The following SLC20A2 variants were observed in gnomAD, a reference collection of about 807,000 sequenced individuals.
SLC20A2 encodes solute carrier family 20 member 2.
A neutral mutation model predicts 61.0 loss-of-function variants in SLC20A2; 30 were observed. The ratio of observed to expected loss-of-function variants is 0.49; its 90% CI spans 0.37 to 0.67. SLC20A2 has a LOEUF of 0.67. SLC20A2 is among the 30% of genes least tolerant of loss of function. The probability of loss-of-function intolerance (pLI) is 0.00; values close to 1 mark genes in which losing one functional copy is unlikely to be tolerated. For synonymous variants in SLC20A2, 351 were observed against 353.3 expected (o/e 0.99, Z 0.07); for missense variants, 626 against 866.4 (o/e 0.72, Z 3.48).
chr8:42,522,910 G>T lies in SLC20A2; in HGVS notation c.-265+18911C>A, dbSNP rs1025841999. 2.0e-4 allele frequency among the ~76,000 whole-genome samples: 8 copies of T among 39,382 alleles called. 1 individual carries two copies. Among genetic ancestry groups the T allele is most frequent in the African/African-American group, 5.7e-4 (7 of 12,282 alleles). 25.8% of individuals were successfully genotyped at this position (39,382 alleles called of 152,430 possible). A position where few individuals can be genotyped will look rare whatever the true frequency, so the allele number is the denominator to read the frequency against. ...AAAAAATCTGTAGAGATGGCGGGGT[G>T]GGGGGGGTCTCTCTGTGTTGCCCAG... is the stretch of plus-strand genomic sequence containing the variant. On this transcript the variant is annotated intron_variant, in intron 1 of 10. Transcript: ENST00000342228.
intron 10 of SLC20A2, among the ~76,000 whole-genome samples, chr8:42,421,793 GAA>G (rs1052317969): frequency 1.3e-5 from 2 of 151,856 alleles, no homozygotes; most frequent in African/African-American, 4.8e-5. Context: ...GGTAACGAGT[GAA>G]ACTCCGTCTC....
intron 5 of SLC20A2, among the ~76,000 whole-genome samples, chr8:42,456,921 TTTTTG>T (rs202064526): frequency 0.025 from 3,816 of 151,892 alleles, 219 homozygotes; most frequent in Admixed American, 0.14. Flanking sequence ...AAAACAAATT[TTTTTG>T]TTTTGTTTTA....
intron 1 of SLC20A2, among the ~76,000 whole-genome samples, chr8:42,477,378 T>A (rs973160152): frequency 6.6e-6 from 1 of 150,976 alleles, no homozygotes; most frequent in Admixed American, 6.6e-5. Context: ...CCCAGCCTCC[T>A]CCCTTAGACC....
At chr8:42,435,429 C>T (rs1804174426) in intron 8 of SLC20A2, among the ~76,000 whole-genome samples, 1 of 152,138 alleles carries the variant, frequency 6.6e-6, no homozygotes, top group African/African-American at 2.4e-5. Flanking sequence ...CCATCCTGAG[C>T]ATATTACACA....
intron 3 of SLC20A2, among the ~76,000 whole-genome samples, chr8:42,465,003 C>T (rs963451043): frequency 6.6e-6 from 1 of 152,034 alleles, no homozygotes; most frequent in Non-Finnish European, 1.5e-5. Context: ...AACAACAAAA[C>T]ATAACAAAAC....
intron 1 of SLC20A2, among the ~76,000 whole-genome samples, chr8:42,519,428 A>G (rs947399805): frequency 6.8e-6 from 1 of 147,396 alleles, no homozygotes; most frequent in East Asian, 2.0e-4. Flanking sequence ...TGGGCGACAG[A>G]GCGAGACTCC....
intron 6 of SLC20A2, 54 bp downstream of exon 6, chr8:42,444,592 G>A (rs1805052482): frequency 2.3e-6 from 3 of 1,324,140 alleles, no homozygotes; most frequent in Non-Finnish European, 3.3e-6. Flanking sequence ...TTACATGTGA[G>A]GTTTTGGGAA....
chr8:42,455,292 A>AGAGAGAGAGAGAGC (rs1806103061), intron 5 of SLC20A2, among the ~76,000 whole-genome samples: 1 of 138,394 alleles, frequency 7.2e-6, no homozygotes, highest in African/African-American at 2.6e-5. Flanking sequence ...AGAGAGAGAG[A>AGAGAGAGAGAGAGC]GCGTGCGCAT....
At chr8:42,498,198 G>A (rs1810068388) in intron 1 of SLC20A2, among the ~76,000 whole-genome samples, 1 of 152,208 alleles carries the variant, frequency 6.6e-6, no homozygotes. Flanking sequence ...TTAGGTGCAA[G>A]TGAAACTGTG....
At position 42,472,011 on chromosome 8, in the gene SLC20A2, C is replaced by T; in HGVS notation, c.289+91G>A. 8.1e-7 allele frequency: 1 copy of T among 1,228,234 alleles called. No individual in the cohort carries two copies. Among genetic ancestry groups the T allele is most frequent in the South Asian group, 1.5e-5 (1 of 66,654 alleles). 76.1% of individuals were successfully genotyped at this position (1,228,234 alleles called of 1,614,324 possible). On this transcript the variant is annotated intron_variant, in intron 2 of 10. Transcript: ENST00000520262. The surrounding 1 kb of genome is among the most constrained non-coding windows in gnomAD (Gnocchi z 4.1). The stretch of plus-strand genomic sequence containing the variant: ...CCAACCAGTTTTTGAAAAGCCAAAG[C>T]AAAAATCACATTTATGGATATGGGC...
In SLC20A2 at chr8:42,486,140, CTGTGTGTGTG is replaced by C. The variant is rs59925363; in HGVS notation, c.-264-13496_-264-13487del. On this transcript the variant is annotated intron_variant, in intron 1 of 10. Transcript: ENST00000520262. Reference sequence around the variant, plus strand: ...AATTATCTTTAGCAGAGCTCTCTCACTGTGTGTGTGTGTGTGTGTGTGTGTGTGTATGTGT... The same window carrying C: ...AATTATCTTTAGCAGAGCTCTCTCACTGTGTGTGTGTGTGTGTGTATGTGT... Among the ~76,000 whole-genome samples the C allele has an allele frequency of 1.3e-4, 20 of 149,012 alleles. No homozygotes were observed. In the East Asian group the frequency reaches 3.0e-3, roughly 22 times the overall value.
chr8:42,452,870 G>A (rs755888779), intron 5 of SLC20A2, among the ~76,000 whole-genome samples: 1 of 152,126 alleles, frequency 6.6e-6, no homozygotes, highest in Non-Finnish European at 1.5e-5. Flanking sequence ...GTTGGGTTAG[G>A]GTTAGAACTT....
intron 1 of SLC20A2, among the ~76,000 whole-genome samples, chr8:42,526,212 T>C (rs1260320304): frequency 6.6e-6 from 1 of 152,162 alleles, no homozygotes; most frequent in Non-Finnish European, 1.5e-5. Context: ...AATGATGTGA[T>C]GAAAATGGCC....
chr8:42,430,125 C>A lies in SLC20A2; in HGVS notation c.1648G>T (p.Val550Phe). The A allele has an allele frequency of 6.2e-7, 1 of 1,613,990 alleles. No homozygotes were observed. Among genetic ancestry groups the A allele is most frequent in the Non-Finnish European group, 8.5e-7 (1 of 1,179,972 alleles). The change falls in exon 9 of 11, where the codon GTC becomes TTC. Residue 550 changes from valine (V) to phenylalanine (F), a missense_variant. By Grantham distance (50) the Val-to-Phe change is conservative. Coordinates refer to ENST00000520262, the MANE Select transcript of SLC20A2 (RefSeq NM_001257180.2). ...GTCTGGATCACTCTTCTCCCCCAGA[C>A]CCAGAGGCCTGTGCAGATTCCAACT... ...GGVGICTGLW[V>F]WGRRVIQTMG...
chr8:42,457,675 C>T (rs559068914), intron 5 of SLC20A2, among the ~76,000 whole-genome samples: 4 of 151,998 alleles, frequency 2.6e-5, no homozygotes, highest in South Asian at 2.1e-4. Context: ...TTAGTAGAGA[C>T]GGGGTTTCAC....
intron 1 of SLC20A2, among the ~76,000 whole-genome samples, chr8:42,481,747 G>A (rs994075628): frequency 4.6e-5 from 7 of 152,116 alleles, no homozygotes; most frequent in African/African-American, 1.2e-4. Flanking sequence ...TGCAGTCAAC[G>A]GCCTTCGTGG....
intron 1 of SLC20A2, among the ~76,000 whole-genome samples, chr8:42,486,952 C>T (rs1287463325): frequency 6.6e-6 from 1 of 151,824 alleles, no homozygotes; most frequent in African/African-American, 2.4e-5. Flanking sequence ...CCACAACCTC[C>T]ACCTCCTGGG....
intron 1 of SLC20A2, among the ~76,000 whole-genome samples, chr8:42,498,065 A>G (rs1810060732): frequency 2.0e-5 from 3 of 152,220 alleles, no homozygotes; most frequent in Admixed American, 2.0e-4. Flanking sequence ...ATTGCAAACC[A>G]GTTCAGGAAG....
chr8:42,430,299 G>A lies in SLC20A2; in HGVS notation c.1524-50C>T, dbSNP rs1327823993. 4.7e-6 allele frequency: 7 copies of A among 1,482,468 alleles called. No individual in the cohort carries two copies. The Admixed American group carries it at 1.0e-4, about 21-fold the overall frequency. The allele number at this position is 1,482,468 out of a possible 1,614,324, so 91.8% of individuals were successfully genotyped here. A position where few individuals can be genotyped will look rare whatever the true frequency, so the allele number is the denominator to read the frequency against. On this transcript the variant is annotated intron_variant, in intron 8 of 10. Coordinates refer to ENST00000520262, the MANE Select transcript of SLC20A2 (RefSeq NM_001257180.2). The stretch of plus-strand genomic sequence containing the variant: ...ATTAACTATATATGCAAGCGGCAAT[G>A]TACATGATACAGGTGACTTTGTTTT...
Sources: gnomAD v4.1 joint callset for allele counts (sites outside exome capture counted in the v4.1 genomes callset) on GRCh38, gnomAD v4.1.1 for gene constraint, Gnocchi (gnomAD v3.1) non-coding constraint, MANE v1.5 for transcripts, NCBI Gene and HGNC (gene_info 2026-07-23, HGNC 2026-07-21) for gene names.